The following LY96 variants were observed in gnomAD, a reference collection of about 807,000 sequenced individuals.
LY96 encodes myeloid differentiation protein-2.
LY96 carries 18 observed loss-of-function variants against 18.9 expected under a neutral mutation model. That is an observed-to-expected ratio of 0.95 (90% CI 0.66 to 1.41). LY96 has a LOEUF of 1.41. Among genes scored for constraint, LY96 ranks in the 40% most tolerant of loss-of-function variants. The pLI, the probability that LY96 is intolerant of heterozygous loss-of-function variation, is 0.00. For missense variants in LY96, 175 were observed against 182.4 expected, an observed-to-expected ratio of 0.96 and a Z score of 0.23; for synonymous variants, 66 against 62.6, an observed-to-expected ratio of 1.06 and a Z score of -0.26.
the LY96 span, among the ~76,000 whole-genome samples, chr8:74,092,537 C>T: frequency 3.9e-5 from 6 of 152,206 alleles, no homozygotes; most frequent in Non-Finnish European, 5.9e-5. Flanking sequence ...GAATTCATCT[C>T]CTGTTATCAT....
chr8:74,088,143 T>TAGAAA, the LY96 span, among the ~76,000 whole-genome samples: 97 of 139,154 alleles, frequency 7.0e-4, no homozygotes, highest in African/African-American at 2.3e-3. Context: ...TAGAATAGAA[T>TAGAAA]AGAATAGAAA....
the LY96 span, among the ~76,000 whole-genome samples, chr8:74,089,396 C>G: frequency 6.6e-6 from 1 of 152,104 alleles, no homozygotes; most frequent in African/African-American, 2.4e-5. Context: ...AAACCTGGCA[C>G]AGGGCCCCTC....
the LY96 span, among the ~76,000 whole-genome samples, chr8:74,077,645 C>G: frequency 6.7e-6 from 1 of 149,998 alleles, no homozygotes; most frequent in Admixed American, 6.6e-5. Flanking sequence ...TTTGGAAATT[C>G]AAAACATAAT....
chr8:74,085,638 C>CT, the LY96 span, among the ~76,000 whole-genome samples: 1 of 152,198 alleles, frequency 6.6e-6, no homozygotes, highest in Non-Finnish European at 1.5e-5. Context: ...TCACACTGGC[C>CT]TTTTTCCTGT....
the LY96 span, among the ~76,000 whole-genome samples, chr8:74,085,768 T>C: frequency 6.6e-6 from 1 of 152,176 alleles, no homozygotes; most frequent in Non-Finnish European, 1.5e-5. Flanking sequence ...ACAAATAAAA[T>C]TGTGAAAGTT....
chr8:74,026,382 T>A (rs1816872189), intron 3 of LY96, among the ~76,000 whole-genome samples: 1 of 152,264 alleles, frequency 6.6e-6, no homozygotes, highest in Non-Finnish European at 1.5e-5. Flanking sequence ...TTCAGTATTC[T>A]GGCTGCCTCC....
At chr8:73,996,157 C>T (rs1208266886) in intron 1 of LY96, among the ~76,000 whole-genome samples, 2 of 152,164 alleles carry the variant, frequency 1.3e-5, no homozygotes, top group African/African-American at 4.8e-5. Context: ...CAGAGCAAGA[C>T]TGAACCTAGC....
the LY96 span, among the ~76,000 whole-genome samples, chr8:74,057,317 G>A: frequency 6.6e-6 from 1 of 152,014 alleles, no homozygotes; most frequent in Admixed American, 6.6e-5. Context: ...GAAAACTTTG[G>A]GGATTTTACT....
chr8:74,065,298 A>G, the LY96 span, among the ~76,000 whole-genome samples: 1 of 152,306 alleles, frequency 6.6e-6, no homozygotes, highest in African/African-American at 2.4e-5. Context: ...ACCTTTTGAG[A>G]CTGTTTCCCA....
At chr8:74,095,673 C>A in the LY96 span, among the ~76,000 whole-genome samples, 1 of 152,208 alleles carries the variant, frequency 6.6e-6, no homozygotes, top group Non-Finnish European at 1.5e-5. Context: ...TGCACTTTCC[C>A]TCCTACCTCT....
At chr8:73,998,308 A>C (rs1189520584) in intron 1 of LY96, among the ~76,000 whole-genome samples, 1 of 152,072 alleles carries the variant, frequency 6.6e-6, no homozygotes, top group African/African-American at 2.4e-5. Context: ...GAGACAAAAT[A>C]TATGTTTCTT....
chr8:74,022,736 G>A lies in LY96; in HGVS notation c.332-4053G>A, dbSNP rs72661879. ...TGGGATTATAGGTGCATGCCACCAC[G>A]CCCAACAACTTTTTTTGTATGTTTA... is the stretch of plus-strand genomic sequence containing the variant. On this transcript the variant is annotated intron_variant, in intron 3 of 4. Coordinates refer to ENST00000284818, the MANE Select transcript of LY96 (RefSeq NM_015364.5). 5.9e-3 allele frequency among the ~76,000 whole-genome samples: 896 copies of A among 151,866 alleles called. 2 individuals carry two copies. The highest frequency in any genetic ancestry group is 9.4e-3 in the Non-Finnish European group (637 of 67,936).
intron 2 of LY96, among the ~76,000 whole-genome samples, chr8:74,005,543 C>CT (rs1462418999): frequency 5.3e-5 from 8 of 152,258 alleles, no homozygotes; most frequent in Non-Finnish European, 7.4e-5. Flanking sequence ...TTCCATTAGT[C>CT]AAAGATCTGT....
At chr8:74,044,163 T>G in the LY96 span, among the ~76,000 whole-genome samples, 1 of 152,154 alleles carries the variant, frequency 6.6e-6, no homozygotes. Context: ...TATGTTATTT[T>G]TTTTTTTGTA....
the LY96 span, among the ~76,000 whole-genome samples, chr8:74,054,373 G>C: frequency 1.3e-5 from 2 of 152,178 alleles, no homozygotes; most frequent in African/African-American, 4.8e-5. Flanking sequence ...CTCAGTTATA[G>C]TAGCAGAGAA....
chr8:74,014,269 C>A (rs10103540), intron 3 of LY96, among the ~76,000 whole-genome samples: 7,188 of 149,992 alleles, frequency 0.048, 586 homozygotes, highest in African/African-American at 0.16. Flanking sequence ...AAAAAATTAG[C>A]TGGGTGTGGT....
the LY96 span, among the ~76,000 whole-genome samples, chr8:74,054,677 T>TTTC: frequency 3.4e-5 from 5 of 147,464 alleles, no homozygotes; most frequent in South Asian, 1.1e-3. Context: ...TCTTTCTTTT[T>TTTC]ATTTGAGATG....
chr8:73,993,482 G>A (rs929631675), intron 1 of LY96, among the ~76,000 whole-genome samples: 2 of 152,122 alleles, frequency 1.3e-5, no homozygotes, highest in African/African-American at 4.8e-5. Flanking sequence ...CACTCTTGTT[G>A]CCCAGGCTGG....
At chr8:74,002,701 A>G (rs1816322571) in intron 1 of LY96, among the ~76,000 whole-genome samples, 1 of 151,508 alleles carries the variant, frequency 6.6e-6, no homozygotes, top group African/African-American at 2.4e-5. Context: ...CCTCCCAAGT[A>G]GCTAGGATTA....
Sources: gnomAD v4.1 joint callset for allele counts (sites outside exome capture counted in the v4.1 genomes callset) on GRCh38, gnomAD v4.1.1 for gene constraint, MANE v1.5 for transcripts, NCBI Gene and HGNC (gene_info 2026-07-23, HGNC 2026-07-21) for gene names.